The following PTBP1 variants were observed in gnomAD, a reference collection of about 807,000 sequenced individuals.
PTBP1 encodes polypyrimidine tract binding protein 1.
PTBP1 carries 8 observed loss-of-function variants against 59.8 expected under a neutral mutation model. The observed-to-expected ratio is 0.13, with a 90% CI of 0.08 to 0.24. PTBP1 has a LOEUF of 0.24. Among genes scored for constraint, PTBP1 ranks in the 10% least tolerant of loss-of-function variants. The probability of loss-of-function intolerance (pLI) is 1.00; values close to 1 mark genes in which losing one functional copy is unlikely to be tolerated. For synonymous variants in PTBP1, 490 were observed against 320.7 expected (o/e 1.53, Z -5.64); for missense variants, 686 against 767.0 (o/e 0.89, Z 1.25).
Position 803,536 on chromosome 19 carries a change from C to T in PTBP1, c.40-25C>T, listed in dbSNP as rs200455182. 3 of 1,602,710 alleles carry T rather than the reference C, an allele frequency of 1.9e-6. No homozygotes were observed. The East Asian group carries it at 6.7e-5, about 36-fold the overall frequency. On this transcript the variant is annotated intron_variant, in intron 2 of 14. Transcript: ENST00000356948. ...GGCTCTGGCCTGGTGGGAAGTGCAG[C>T]TCCGCGTTGTCCCTTCTCTTGCAGC...
chr19:800,105 T>C (rs1310519922), intron 2 of PTBP1, among the ~76,000 whole-genome samples: 1 of 148,064 alleles, frequency 6.8e-6, no homozygotes, highest in Non-Finnish European at 1.5e-5. Flanking sequence ...TTTTGTATTT[T>C]TTTTTTTTTT....
At chr19:799,698 G>A (rs1054223828) in intron 2 of PTBP1, among the ~76,000 whole-genome samples, 2 of 152,202 alleles carry the variant, frequency 1.3e-5, no homozygotes, top group Non-Finnish European at 2.9e-5. Flanking sequence ...CTTGCTGTCA[G>A]CAGCGAGGGC....
At chr19:797,561 C>G in intron 1 of PTBP1, 56 bp downstream of exon 1, 2 of 1,296,604 alleles carry the variant, frequency 1.5e-6, no homozygotes, top group Non-Finnish European at 2.0e-6. Flanking sequence ...AGCCCTGCCC[C>G]CGCCGCCGCG....
In PTBP1 at chr19:811,609, G is replaced by A. The variant is rs531272883; in HGVS notation, c.*783G>A. On this transcript the variant is annotated 3_prime_UTR_variant, in exon 15 of 15. Coordinates refer to ENST00000356948, the MANE Select transcript of PTBP1 (RefSeq NM_002819.5). ...TCCTTGTGGTATTACCTTGTATGCTGTTACTTTTATTTTATTCCTTGTAAT... is the reference window on the plus strand; with the variant it reads ...TCCTTGTGGTATTACCTTGTATGCTATTACTTTTATTTTATTCCTTGTAAT... The A allele has an allele frequency of 6.6e-6, 1 of 152,498 alleles. No individual in the cohort carries two copies. The highest frequency in any genetic ancestry group is 2.4e-5 in the African/African-American group (1 of 41,572). 9.4% of individuals were successfully genotyped at this position (152,498 alleles called of 1,614,324 possible). A position where few individuals can be genotyped will look rare whatever the true frequency, so the allele number is the denominator to read the frequency against.
intron 9 of PTBP1, 144 bp downstream of exon 9, chr19:805,713 C>A: frequency 1.4e-6 from 1 of 727,246 alleles, no homozygotes; most frequent in Non-Finnish European, 2.4e-6. Context: ...GGGGACGCCA[C>A]GTCCACAGAG....
intron 10 of PTBP1, 198 bp from the exon 11 acceptor site, chr19:807,667 TAAAA>T (rs759397435): frequency 2.0e-6 from 1 of 503,496 alleles, no homozygotes; most frequent in African/African-American, 2.0e-5. Context: ...CATAAACAAA[TAAAA>T]AACAAAAATT....
chr19:810,408 C>T, intron 13 of PTBP1, 135 bp from the exon 14 acceptor site: 1 of 656,122 alleles, frequency 1.5e-6, no homozygotes, highest in Non-Finnish European at 2.6e-6. Context: ...GATTTGATAC[C>T]CCATTTCTGG....
chr19:806,440 G>GC lies in PTBP1; in HGVS notation c.1009dup (p.Leu337ProfsTer53). On this transcript the variant is annotated frameshift_variant, in exon 10 of 15. Coordinates refer to ENST00000356948, the MANE Select transcript of PTBP1 (RefSeq NM_002819.5). LOFTEE classifies it high-confidence loss of function. ...CGTTCCGAACGTCCACGGCGCCCTG[G>GC]CCCCCCTGGCCATCCCCTCGGCGGC... 1 of 1,601,186 alleles carries GC rather than the reference G, an allele frequency of 6.2e-7. No homozygotes were observed.
intron 9 of PTBP1, chr19:805,809 T>A: frequency 1.8e-6 from 1 of 550,058 alleles, no homozygotes; most frequent in Non-Finnish European, 3.3e-6. Flanking sequence ...TCGCACAGTC[T>A]TTGTGGTCTG....
At chr19:798,673 C>G (rs767220351) in intron 1 of PTBP1, 1 of 152,248 alleles carries the variant, frequency 6.6e-6, no homozygotes, top group South Asian at 2.1e-4. Context: ...ACGGACGCTC[C>G]GAGTCACTTA....
chr19:797,518 T>TCGCCCCG lies in PTBP1; in HGVS notation c.8+20_8+26dup. 2.0e-6 allele frequency: 3 copies of TCGCCCCG among 1,514,844 alleles called. No homozygotes were observed. The highest frequency in any genetic ancestry group is 2.6e-6 in the Non-Finnish European group (3 of 1,137,294). The allele number at this position is 1,514,844 out of a possible 1,614,324, so 93.8% of individuals were successfully genotyped here. A position where few individuals can be genotyped will look rare whatever the true frequency, so the allele number is the denominator to read the frequency against. On this transcript the variant is annotated intron_variant, in intron 1 of 14. Transcript: ENST00000356948. Reference sequence around the variant, plus strand: ...GTGCCATGGACGGGTGAGTCGCACGTCGCCCCGCGCCCCACCGCCCTCCCC... The same window carrying TCGCCCCG: ...GTGCCATGGACGGGTGAGTCGCACGTCGCCCCGCGCCCCGCGCCCCACCGCCCTCCCC...
intron 8 of PTBP1, 141 bp from the exon 9 acceptor site, chr19:805,351 G>A (rs1004913108): frequency 1.7e-5 from 20 of 1,188,124 alleles, no homozygotes; most frequent in African/African-American, 9.1e-5. Flanking sequence ...TCGGGACCAC[G>A]GCCCCCCCTG....
rs773124307 is a variant in PTBP1, at chr19:804,520, T to C, written c.436-12T>C. The C allele has an allele frequency of 3.1e-6, 5 of 1,598,776 alleles. No individual in the cohort carries two copies. In the Admixed American group the frequency reaches 6.8e-5, roughly 22 times the overall value. On this transcript the variant is annotated splice_polypyrimidine_tract_variant and intron_variant, in intron 5 of 14. Transcript: ENST00000356948. ...CGCAGGGGCCGGGGACTCACGGCTG[T>C]GCCTCCCACAGCGGGCCCAGGCGGC...
chr19:808,114 G>A lies in PTBP1; in HGVS notation c.1153+212G>A. On this transcript the variant is annotated intron_variant, in intron 11 of 14. Coordinates refer to ENST00000356948, the MANE Select transcript of PTBP1 (RefSeq NM_002819.5). The surrounding 1 kb of genome is among the most constrained non-coding windows in gnomAD (Gnocchi z 4.7). ...CTGCATGCTTTTCAGAGTTAGACCT[G>A]TCGGTGGCATATGCCACCGTGGCCA... 1.6e-6 allele frequency: 1 copy of A among 634,418 alleles called. No homozygotes were observed. Among genetic ancestry groups the A allele is most frequent in the Non-Finnish European group, 2.8e-6 (1 of 355,604 alleles). The allele number at this position is 634,418 out of a possible 1,614,324, so 39.3% of individuals were successfully genotyped here.
chr19:806,382 G>A (rs747849226), intron 9 of PTBP1, 26 bp from the exon 10 acceptor site: 9 of 1,583,638 alleles, frequency 5.7e-6, no homozygotes, highest in Non-Finnish European at 7.7e-6. Flanking sequence ...GGGCGCCGCC[G>A]CTCATCTCAC....
intron 2 of PTBP1, among the ~76,000 whole-genome samples, chr19:800,749 A>G (rs529251693): frequency 3.9e-5 from 6 of 152,272 alleles, no homozygotes; most frequent in Admixed American, 6.5e-5. Flanking sequence ...ATTTGCAACA[A>G]TCCCTAGATG....
chr19:806,361 G>A (rs953365261), intron 9 of PTBP1, 47 bp from the exon 10 acceptor site: 15 of 1,559,536 alleles, frequency 9.6e-6, no homozygotes, highest in Admixed American at 3.8e-5. Flanking sequence ...CCCACTCTGC[G>A]GTGGAGTCGG....
In PTBP1 at chr19:811,522, G is replaced by C. The variant is rs1359073394; in HGVS notation, c.*696G>C. The C allele has an allele frequency of 2.0e-5, 3 of 152,208 alleles. No individual in the cohort carries two copies. Among genetic ancestry groups the C allele is most frequent in the Non-Finnish European group, 2.9e-5 (2 of 67,878 alleles). The allele number at this position is 152,208 out of a possible 1,614,324, so 9.4% of individuals were successfully genotyped here. On this transcript the variant is annotated 3_prime_UTR_variant, in exon 15 of 15. Transcript: ENST00000356948. ...AATCTTTTTTCATTTATATGCAAAA[G>C]AAATAGTTTTAAGTAACTTTTTATA...
At chr19:798,145 C>T (rs1366714199) in intron 1 of PTBP1, among the ~76,000 whole-genome samples, 2 of 152,092 alleles carry the variant, frequency 1.3e-5, no homozygotes, top group South Asian at 4.2e-4. Flanking sequence ...TTTCGGTGAT[C>T]TCGGGAGAGA....
Sources: gnomAD v4.1 joint callset for allele counts (sites outside exome capture counted in the v4.1 genomes callset) on GRCh38, gnomAD v4.1.1 for gene constraint, Gnocchi (gnomAD v3.1) non-coding constraint, MANE v1.5 for transcripts, NCBI Gene and HGNC (gene_info 2026-07-23, HGNC 2026-07-21) for gene names.